The following RSPH3 variants were observed in gnomAD, a reference collection of about 807,000 sequenced individuals.
The protein encoded by RSPH3 is radial spoke head 3, also known as radial spoke head protein 3 homolog.
A neutral mutation model predicts 43.8 loss-of-function variants in RSPH3; 21 were observed. That is an observed-to-expected ratio of 0.48 (90% CI 0.34 to 0.69). RSPH3 has a LOEUF of 0.69. Among genes scored for constraint, RSPH3 ranks in the 30% least tolerant of loss-of-function variants. The pLI, the probability that RSPH3 is intolerant of heterozygous loss-of-function variation, is 0.01. For missense variants in RSPH3, 487 were observed against 516.0 expected, an observed-to-expected ratio of 0.94 and a Z score of 0.54; for synonymous variants, 173 against 179.8, an observed-to-expected ratio of 0.96 and a Z score of 0.30.
the RSPH3 span, among the ~76,000 whole-genome samples, chr6:158,964,746 T>C: frequency 6.6e-6 from 1 of 152,176 alleles, no homozygotes; most frequent in Non-Finnish European, 1.5e-5. Flanking sequence ...TTTGATAACA[T>C]TTTCATCCAT....
chr6:158,967,786 T>C, the RSPH3 span, among the ~76,000 whole-genome samples: 1 of 152,234 alleles, frequency 6.6e-6, no homozygotes, highest in Admixed American at 6.5e-5. Flanking sequence ...TTTATAATTG[T>C]TGTCTTTCTG....
At chr6:158,985,021 T>C (rs1314916611) in intron 3 of RSPH3, among the ~76,000 whole-genome samples, 2 of 152,196 alleles carry the variant, frequency 1.3e-5, no homozygotes, top group Non-Finnish European at 2.9e-5. Context: ...CCACTCACCA[T>C]CTTGGAAGGG....
chr6:158,990,886 CTT>C (rs372007100), intron 2 of RSPH3, among the ~76,000 whole-genome samples: 15,652 of 132,078 alleles, frequency 0.12, 1,323 homozygotes, highest in East Asian at 0.37. Context: ...CTCTCTCAGC[CTT>C]TTTTTTTTTT....
chr6:158,988,941 G>A (rs1465419805), intron 2 of RSPH3, among the ~76,000 whole-genome samples: 2 of 152,056 alleles, frequency 1.3e-5, no homozygotes, highest in Non-Finnish European at 2.9e-5. Flanking sequence ...TCTGTTTGCT[G>A]TTGTTTCATG....
intron 2 of RSPH3, among the ~76,000 whole-genome samples, chr6:158,992,266 C>T (rs1406952161): frequency 6.6e-6 from 1 of 152,018 alleles, no homozygotes; most frequent in Admixed American, 6.6e-5. Context: ...AATTCCTTAA[C>T]CTTCTAGGTT....
chr6:158,969,831 T>C (rs1037273937), downstream of RSPH3, among the ~76,000 whole-genome samples: 1 of 152,250 alleles, frequency 6.6e-6, no homozygotes, highest in Non-Finnish European at 1.5e-5. Context: ...CACTTTTCAA[T>C]GCCAGAATTT....
At chr6:158,966,755 C>G in the RSPH3 span, among the ~76,000 whole-genome samples, 578 of 148,026 alleles carry the variant, frequency 3.9e-3, 6 homozygotes, top group African/African-American at 0.014. Flanking sequence ...TTAATCTTTG[C>G]AAAAAAAAAC....
downstream of RSPH3, among the ~76,000 whole-genome samples, chr6:158,968,862 C>T (rs1024002164): frequency 5.3e-5 from 8 of 151,754 alleles, no homozygotes; most frequent in Non-Finnish European, 5.9e-5. Context: ...CAGGTGTGCG[C>T]CACCACACCC....
In RSPH3 at chr6:158,983,780, C is replaced by A; in HGVS notation, c.374G>T (p.Arg125Leu). 3.1e-6 allele frequency: 5 copies of A among 1,602,892 alleles called. No individual in the cohort carries two copies. The highest frequency in any genetic ancestry group is 4.3e-6 in the Non-Finnish European group (5 of 1,169,964). Reference protein sequence around the residue: ...TELYLEEIADRIIEVDMECQT... With the variant: ...TELYLEEIADLIIEVDMECQT... ...GCATTCCATATCAACTTCTATTATG[C>A]GATCAGCAATTTCTTCAAGGTATAA... The change falls in exon 4 of 8, where the codon CGC becomes CTC. Residue 125 changes from arginine to leucine, a missense_variant. Transcript: ENST00000367069.
At position 158,999,555 on chromosome 6, in the gene RSPH3, G is replaced by C; in HGVS notation, c.-5C>G. 1 of 1,605,060 alleles carries C rather than the reference G, an allele frequency of 6.2e-7. No individual in the cohort carries two copies. Among genetic ancestry groups the C allele is most frequent in the Non-Finnish European group, 8.5e-7 (1 of 1,173,764 alleles). On this transcript the variant is annotated 5_prime_UTR_variant, in exon 1 of 8. Coordinates refer to ENST00000367069, the MANE Select transcript of RSPH3 (RefSeq NM_031924.8). ...ATCAGTCAGCGCTGAGGCCATGTCC[G>C]GGGGCTGACTGCCTCGCTTTCGGTG...
Position 158,998,781 on chromosome 6 carries a change from G to A in RSPH3, c.116+654C>T, listed in dbSNP as rs184240533. Among the ~76,000 whole-genome samples the A allele has an allele frequency of 6.2e-3, 934 of 150,994 alleles. 4 individuals are homozygous for A. The highest frequency in any genetic ancestry group is 9.2e-3 in the Non-Finnish European group (622 of 67,586). On this transcript the variant is annotated intron_variant, in intron 1 of 7. Transcript: ENST00000367069. ...TGAGGCAGGAGAATCGTTTGATCGG[G>A]GAGGAGTGGGGGAGGGGGGCGGAGG...
the RSPH3 span, among the ~76,000 whole-genome samples, chr6:158,967,310 T>C: frequency 6.6e-6 from 1 of 152,210 alleles, no homozygotes; most frequent in Non-Finnish European, 1.5e-5. Context: ...TCTGTTTCTA[T>C]TCACCTCAAA....
Position 158,980,808 on chromosome 6 carries a change from C to G in RSPH3, c.825G>C (p.Arg275Ser), listed in dbSNP as rs1462785305. 6.2e-7 allele frequency: 1 copy of G among 1,614,014 alleles called. No homozygotes were observed. Among genetic ancestry groups the G allele is most frequent in the Non-Finnish European group, 8.5e-7 (1 of 1,179,948 alleles). Residue 275 changes from arginine to serine, a missense_variant, in exon 6 of 8, where the codon AGG (arginine) becomes AGC (serine). Arg to Ser is a moderately radical substitution (Grantham distance 110). Transcript: ENST00000367069. The stretch of plus-strand genomic sequence containing the variant: ...TGGGATCATAAAAGTAGCCACTATC[C>G]CTGAGGCTGCCAAAAACAGACGGGA... The part of the protein sequence containing the change: ...DLLPSVFGSL[R>S]DSGYFYDPIE...
Position 158,998,226 on chromosome 6 carries a change from C to T in RSPH3, c.116+1209G>A, listed in dbSNP as rs192276955. Among the ~76,000 whole-genome samples the T allele has an allele frequency of 4.4e-5, 6 of 136,352 alleles. No individual in the cohort carries two copies. In the East Asian group the frequency reaches 1.0e-3, roughly 24 times the overall value. The allele number at this position is 136,352 out of a possible 152,430, so 89.5% of individuals were successfully genotyped here. ...CAGCATTTTGGGAGGCCGAGGCGGG[C>T]GGATCATGAGGTCAGGAGATCGAGA... is the stretch of plus-strand genomic sequence containing the variant. On this transcript the variant is annotated intron_variant, in intron 1 of 7. Transcript: ENST00000367069.
the RSPH3 span, among the ~76,000 whole-genome samples, chr6:158,964,624 A>G: frequency 1.3e-5 from 2 of 152,160 alleles, no homozygotes; most frequent in African/African-American, 4.8e-5. Flanking sequence ...TAAATTCTTT[A>G]GAGAAATGTC....
chr6:158,980,428 CAA>C (rs201038721), intron 6 of RSPH3, among the ~76,000 whole-genome samples: 14,449 of 111,672 alleles, frequency 0.13, 1,427 homozygotes, highest in East Asian at 0.46. Flanking sequence ...GACTCTGTCT[CAA>C]AAAAAAAAAA....
chr6:158,991,930 T>C lies in RSPH3; in HGVS notation c.204+1909A>G, dbSNP rs951298504. ...TCCACAGAAAATGTACTTTGAATAC[T>C]CATACAACCATTCTATTTTTCACTT... On this transcript the variant is annotated intron_variant, in intron 2 of 7. Coordinates refer to ENST00000367069, the MANE Select transcript of RSPH3 (RefSeq NM_031924.8). Among the ~76,000 whole-genome samples the C allele has an allele frequency of 1.3e-5, 2 of 152,098 alleles. 1 individual carries two copies. Among genetic ancestry groups the C allele is most frequent in the East Asian group, 3.8e-4 (2 of 5,204 alleles).
At position 158,977,581 on chromosome 6, in the gene RSPH3, T is replaced by C. The variant is rs1777885972; in HGVS notation, c.1214A>G (p.Glu405Gly). Residue 405 changes from glutamate (E) to glycine (G), a missense_variant, in exon 8 of 8, where the codon GAA becomes GGA. Physicochemically the swap from Glu to Gly is moderately conservative, Grantham distance 98. Coordinates refer to ENST00000367069, the MANE Select transcript of RSPH3 (RefSeq NM_031924.8). Reference protein sequence around the residue: ...EERELLGQDEETAMRKSLGEE... With the variant: ...EERELLGQDEGTAMRKSLGEE... ...CCCTAAGGACTTCCTCATTGCTGTT[T>C]CTTCATCTTGCCCTAAGAGTTCTCT... The C allele has an allele frequency of 6.2e-7, 1 of 1,613,746 alleles. No homozygotes were observed. The highest frequency in any genetic ancestry group is 8.5e-7 in the Non-Finnish European group (1 of 1,179,972).
intron 2 of RSPH3, 34 bp downstream of exon 2, chr6:158,993,805 G>T: frequency 8.5e-7 from 1 of 1,175,910 alleles, no homozygotes; most frequent in Non-Finnish European, 1.3e-6. Flanking sequence ...GATAATGTGA[G>T]AACACGGTGT....
Sources: gnomAD v4.1 joint callset for allele counts (sites outside exome capture counted in the v4.1 genomes callset) on GRCh38, gnomAD v4.1.1 for gene constraint, MANE v1.5 for transcripts, NCBI Gene and HGNC (gene_info 2026-07-23, HGNC 2026-07-21) for gene names.